The following NAV1 variants were observed in gnomAD, a reference collection of about 807,000 sequenced individuals.
NAV1 encodes neuron navigator 1, also known as pore membrane and/or filament interacting like protein 3.
A neutral mutation model predicts 175.2 loss-of-function variants in NAV1; 18 were observed. The observed-to-expected ratio is 0.10, with a 90% CI of 0.07 to 0.15. The LOEUF (loss-of-function observed/expected upper bound fraction) is 0.15, where lower values mean the gene tolerates loss of function less well. NAV1 is among the 10% of genes least tolerant of loss of function. NAV1 has a pLI of 1.00. For missense variants in NAV1, 1,731 were observed against 2,436.6 expected (o/e 0.71, Z 6.10); for synonymous variants, 897 against 978.7 (o/e 0.92, Z 1.56).
chr1:201,780,659 G>C, intron 4 of NAV1, 100 bp downstream of exon 8: 1 of 1,492,336 alleles, frequency 6.7e-7, no homozygotes, highest in Non-Finnish European at 9.2e-7. Flanking sequence ...CCCACTCCAT[G>C]GGATTGGTTC....
chr1:201,579,321 A>G (rs965854848), intron 1 of NAV1, among the ~76,000 whole-genome samples: 3 of 152,116 alleles, frequency 2.0e-5, no homozygotes, highest in Admixed American at 1.3e-4. Context: ...CCTCATCGCC[A>G]TGTTGTTCCT....
At chr1:201,801,462 G>T (rs1404875622) in intron 15 of NAV1, among the ~76,000 whole-genome samples, 1 of 151,970 alleles carries the variant, frequency 6.6e-6, no homozygotes. Context: ...CTTTCTCATT[G>T]TTAACATAGT....
At chr1:201,548,991 A>G (rs1397065748) in intron 1 of NAV1, among the ~76,000 whole-genome samples, 1 of 152,232 alleles carries the variant, frequency 6.6e-6, no homozygotes, top group African/African-American at 2.4e-5. Flanking sequence ...GTTGCTTGTT[A>G]TTATAAGGTC....
intron 3 of NAV1, among the ~76,000 whole-genome samples, chr1:201,751,598 G>A (rs1674110752): frequency 2.0e-5 from 3 of 152,178 alleles, no homozygotes; most frequent in Admixed American, 1.3e-4. Context: ...TATGAAAATT[G>A]TCAGGTATTA....
exon 25 of NAV1, chr1:201,811,695 G>T: frequency 6.2e-7 from 1 of 1,613,350 alleles, no homozygotes; most frequent in Non-Finnish European, 8.5e-7. Flanking sequence ...TGGATGACCT[G>T]AGTGAAGCAG....
At chr1:201,607,869 A>AG (rs1667730379) in intron 2 of NAV1, among the ~76,000 whole-genome samples, 1 of 80,950 alleles carries the variant, frequency 1.2e-5, no homozygotes, top group East Asian at 3.8e-4. Flanking sequence ...TGATAACTTT[A>AG]TTGTGTGTGT....
chr1:201,782,959 C>G lies in NAV1; in HGVS notation c.2357+90C>G, dbSNP rs1303441482. The G allele has an allele frequency of 7.9e-6, 9 of 1,145,592 alleles. No homozygotes were observed. The highest frequency in any genetic ancestry group is 9.9e-6 in the Non-Finnish European group (8 of 811,956). 71.0% of individuals were successfully genotyped at this position (1,145,592 alleles called of 1,614,324 possible). A position where few individuals can be genotyped will look rare whatever the true frequency, so the allele number is the denominator to read the frequency against. On this transcript the variant is annotated intron_variant, in intron 6 of 29. Transcript: ENST00000367296. This position sits in a 1 kb window ranked among gnomAD's most constrained non-coding sequence, Gnocchi z 5.4. ...CTCCTTGGACTAGATGAGGCATGGC[C>G]TATCCACCGTTGTCTCTAGGCCTTT...
intron 1 of NAV1, among the ~76,000 whole-genome samples, chr1:201,549,681 C>T (rs61819692): frequency 1 from 149,500 of 149,522 alleles, 74,739 homozygotes; most frequent in Middle Eastern, 1. Context: ...GGGCAGGTTA[C>T]AGCCTGCCCA....
In NAV1 at chr1:201,602,665, T is replaced by G. The variant is rs10589182; in HGVS notation, c.-33+14016T>G. Reference sequence around the variant, plus strand: ...TTTTTTTTTTGGTTTTTTTTTTTTTTGGTTTTTTTTTTACCATGAGCTCAT... The same window carrying G: ...TTTTTTTTTTGGTTTTTTTTTTTTTGGGTTTTTTTTTTACCATGAGCTCAT... On this transcript the variant is annotated intron_variant, in intron 2 of 33. Coordinates refer to the NAV1 transcript ENST00000685211. Among the ~76,000 whole-genome samples the G allele has an allele frequency of 5.0e-4, 53 of 106,498 alleles. 1 individual carries two copies. Among genetic ancestry groups the G allele is most frequent in the African/African-American group, 1.6e-3 (45 of 28,346 alleles). 69.9% of individuals were successfully genotyped at this position (106,498 alleles called of 152,430 possible).
At chr1:201,566,584 C>CA (rs1258778206) in intron 1 of NAV1, among the ~76,000 whole-genome samples, 1 of 152,182 alleles carries the variant, frequency 6.6e-6, no homozygotes, top group East Asian at 1.9e-4. Flanking sequence ...TGCCCACTCA[C>CA]AACACACACA....
chr1:201,569,555 T>C (rs574485141), intron 1 of NAV1, among the ~76,000 whole-genome samples: 1 of 152,288 alleles, frequency 6.6e-6, no homozygotes, highest in East Asian at 1.9e-4. Flanking sequence ...CTGCCATCCT[T>C]CCCAGCTGAC....
intron 1 of NAV1, among the ~76,000 whole-genome samples, chr1:201,651,600 G>A (rs1412584582): frequency 6.6e-6 from 1 of 152,148 alleles, no homozygotes; most frequent in Non-Finnish European, 1.5e-5. Context: ...GGCCTTAAAG[G>A]CATCTATGAG....
chr1:201,711,766 G>A (rs546159967), intron 1 of NAV1, among the ~76,000 whole-genome samples: 3 of 152,204 alleles, frequency 2.0e-5, no homozygotes, highest in Non-Finnish European at 4.4e-5. Context: ...ATAAGCCATG[G>A]GGCAGGGCCA....
intron 1 of NAV1, among the ~76,000 whole-genome samples, chr1:201,709,267 G>C (rs1022593216): frequency 2.6e-5 from 4 of 152,220 alleles, no homozygotes; most frequent in Admixed American, 2.0e-4. Flanking sequence ...GGTGAGAAAG[G>C]GGTGAAGCTT....
chr1:201,789,371 C>T (rs1676964126), intron 10 of NAV1, among the ~76,000 whole-genome samples: 1 of 152,174 alleles, frequency 6.6e-6, no homozygotes, highest in Non-Finnish European at 1.5e-5. Flanking sequence ...AGTATTTGTT[C>T]TGAGCAACTC....
In NAV1 at chr1:201,575,536, G is replaced by A. The variant is rs539603826; in HGVS notation, c.-143-13003G>A. ...AACTGCGTATCTACATCAGGGAGGC[G>A]TGTCCAATGGGATGATGAAGGTGTT... On this transcript the variant is annotated intron_variant, in intron 1 of 33. Coordinates refer to the NAV1 transcript ENST00000685211. Among the ~76,000 whole-genome samples the A allele has an allele frequency of 1.8e-4, 28 of 152,282 alleles. 1 individual carries two copies. Among genetic ancestry groups the A allele is most frequent in the Middle Eastern group, 6.8e-3 (2 of 294 alleles).
chr1:201,700,348 C>T (rs1382304618), intron 1 of NAV1, among the ~76,000 whole-genome samples: 1 of 152,198 alleles, frequency 6.6e-6, no homozygotes, highest in Non-Finnish European at 1.5e-5. Flanking sequence ...CTCATCATCA[C>T]TGGGTCATCA....
Position 201,788,797 on chromosome 1 carries a change from G to A in NAV1, c.3166+159G>A, listed in dbSNP as rs959234373. 6.6e-6 allele frequency among the ~76,000 whole-genome samples: 1 copy of A among 152,138 alleles called. No individual in the cohort carries two copies. Among genetic ancestry groups the A allele is most frequent in the Admixed American group, 6.5e-5 (1 of 15,270 alleles). On this transcript the variant is annotated intron_variant, in intron 10 of 29. Coordinates refer to ENST00000367296, the Ensembl canonical transcript of NAV1. This position sits in a 1 kb window ranked among gnomAD's most constrained non-coding sequence, Gnocchi z 5.7. ...TTTTTTCTCCCCATCCCTTTGAAGG[G>A]TCTGGGGACCCAGAAACCTTGGGTG...
intron 3 of NAV1, among the ~76,000 whole-genome samples, chr1:201,747,205 C>T (rs1316118347): frequency 1.3e-5 from 2 of 152,140 alleles, no homozygotes; most frequent in Non-Finnish European, 2.9e-5. Flanking sequence ...CCCCCATTCT[C>T]GTGGCTGTGC....
Sources: allele counts gnomAD v4.1 joint callset (sites outside exome capture counted in the v4.1 genomes callset), GRCh38; gene constraint gnomAD v4.1.1; non-coding constraint Gnocchi (gnomAD v3.1); transcripts MANE v1.5; gene names NCBI Gene and HGNC (gene_info 2026-07-23, HGNC 2026-07-21).